Variants in PTPRD observed in about 807,000 individuals in gnomAD.
The protein encoded by PTPRD is receptor-type tyrosine-protein phosphatase delta.
A neutral mutation model predicts 214.5 loss-of-function variants in PTPRD; 34 were observed. The ratio of observed to expected loss-of-function variants is 0.16; its 90% confidence interval spans 0.12 to 0.21. The LOEUF is 0.21. PTPRD is among the 10% of genes least tolerant of loss of function. PTPRD has a pLI of 1.00. For synonymous variants in PTPRD, 1,128 were observed against 845.7 expected (o/e 1.33, Z -5.79); for missense variants, 2,545 against 2,398.7 (o/e 1.06, Z -1.27).
intron 11 of PTPRD, among the ~76,000 whole-genome samples, chr9:8,918,755 T>A (rs1266112227): frequency 4.6e-5 from 7 of 152,178 alleles, no homozygotes; most frequent in Admixed American, 6.5e-5. Flanking sequence ...TCTATTCGGA[T>A]ACTTTAAAGG....
At chr9:8,697,159 G>A (rs1388794983) in intron 12 of PTPRD, among the ~76,000 whole-genome samples, 1 of 152,042 alleles carries the variant, frequency 6.6e-6, no homozygotes, top group African/African-American at 2.4e-5. Context: ...TCAAAATTAA[G>A]TAGTTGATTG....
chr9:10,291,284 G>A (rs773262746), intron 3 of PTPRD, among the ~76,000 whole-genome samples: 5 of 151,904 alleles, frequency 3.3e-5, no homozygotes, highest in African/African-American at 4.8e-5. Flanking sequence ...CAGATGCAGA[G>A]GCAAAGTAGA....
intron 11 of PTPRD, among the ~76,000 whole-genome samples, chr9:8,786,806 C>T (rs2096001043): frequency 6.6e-6 from 1 of 151,856 alleles, no homozygotes; most frequent in African/African-American, 2.4e-5. Context: ...AAACTGATTC[C>T]CAGAGCGTGA....
At chr9:10,130,780 G>A (rs1328748289) in intron 3 of PTPRD, among the ~76,000 whole-genome samples, 2 of 152,108 alleles carry the variant, frequency 1.3e-5, no homozygotes, top group Non-Finnish European at 2.9e-5. Flanking sequence ...GAACTATAGT[G>A]TGCAGATATG....
chr9:8,665,365 T>C (rs1194831909), intron 12 of PTPRD, among the ~76,000 whole-genome samples: 1 of 152,184 alleles, frequency 6.6e-6, no homozygotes, highest in Non-Finnish European at 1.5e-5. Flanking sequence ...GATGTCCACT[T>C]GAAACTGTAT....
chr9:8,315,010 A>T lies in PTPRD; in HGVS notation c.*2864T>A. 4.3e-6 allele frequency: 1 copy of T among 232,538 alleles called. No homozygotes were observed. The highest frequency in any genetic ancestry group is 8.5e-6 in the Non-Finnish European group (1 of 117,288). The allele number at this position is 232,538 out of a possible 1,614,324, so 14.4% of individuals were successfully genotyped here. A position where few individuals can be genotyped will look rare whatever the true frequency, so the allele number is the denominator to read the frequency against. ...ATATTTTGATTTTTTTTACCATTGTAACTAATTACAAAATTATACATAACT... is the reference window on the plus strand; with the variant it reads ...ATATTTTGATTTTTTTTACCATTGTTACTAATTACAAAATTATACATAACT... On this transcript the variant is annotated 3_prime_UTR_variant, in exon 46 of 46. Coordinates refer to ENST00000381196, the MANE Select transcript of PTPRD (RefSeq NM_002839.4).
intron 9 of PTPRD, among the ~76,000 whole-genome samples, chr9:9,226,025 C>G (rs1301719241): frequency 6.6e-6 from 1 of 151,910 alleles, no homozygotes; most frequent in Non-Finnish European, 1.5e-5. Context: ...ATTCTAGGAT[C>G]CTATTGCACA....
chr9:8,771,566 G>A (rs1480936679), intron 11 of PTPRD, among the ~76,000 whole-genome samples: 1 of 152,140 alleles, frequency 6.6e-6, no homozygotes, highest in Non-Finnish European at 1.5e-5. Context: ...AATTTCCAAT[G>A]TAAATTTTCT....
intron 39 of PTPRD, among the ~76,000 whole-genome samples, chr9:8,350,657 C>G (rs1213127494): frequency 6.6e-6 from 1 of 152,076 alleles, no homozygotes; most frequent in Admixed American, 6.6e-5. Flanking sequence ...GGGTTCACTA[C>G]AAAAAACAGA....
chr9:10,504,001 A>G (rs2044875427), intron 2 of PTPRD, among the ~76,000 whole-genome samples: 1 of 150,716 alleles, frequency 6.6e-6, no homozygotes, highest in Non-Finnish European at 1.5e-5. Flanking sequence ...CTGTAGTCCC[A>G]GCTACTCCGG....
At chr9:10,288,135 G>T (rs1276109441) in intron 3 of PTPRD, among the ~76,000 whole-genome samples, 3 of 114,268 alleles carry the variant, frequency 2.6e-5, no homozygotes, top group Non-Finnish European at 5.0e-5. Context: ...TGGAAACACA[G>T]AATCAACTGC....
intron 5 of PTPRD, among the ~76,000 whole-genome samples, chr9:9,833,500 A>G (rs940312545): frequency 1.3e-5 from 2 of 151,762 alleles, no homozygotes; most frequent in African/African-American, 4.8e-5. Flanking sequence ...TTGCTAATGA[A>G]GTTTCGGGCA....
intron 8 of PTPRD, among the ~76,000 whole-genome samples, chr9:9,459,638 A>G (rs184221712): frequency 3.3e-5 from 5 of 152,238 alleles, no homozygotes; most frequent in Admixed American, 3.3e-4. Flanking sequence ...CTTTTAACCA[A>G]AAAGGTGAAA....
chr9:9,420,027 A>T (rs1452549129), intron 8 of PTPRD, among the ~76,000 whole-genome samples: 1 of 151,646 alleles, frequency 6.6e-6, no homozygotes, highest in East Asian at 1.9e-4. Context: ...GGTTACAGAA[A>T]AAATATATAT....
chr9:8,968,899 T>C (rs2099217886), intron 11 of PTPRD, among the ~76,000 whole-genome samples: 2 of 152,040 alleles, frequency 1.3e-5, no homozygotes, highest in African/African-American at 2.4e-5. Context: ...TCACTGAAGA[T>C]TGAATGGAAA....
chr9:8,919,663 G>A (rs2098811289), intron 11 of PTPRD, among the ~76,000 whole-genome samples: 1 of 151,950 alleles, frequency 6.6e-6, no homozygotes, highest in African/African-American at 2.4e-5. Context: ...ATAGTGTTTT[G>A]GAATCACTAA....
intron 39 of PTPRD, among the ~76,000 whole-genome samples, chr9:8,374,833 G>C (rs186535125): frequency 2.0e-5 from 3 of 151,920 alleles, no homozygotes; most frequent in Non-Finnish European, 4.4e-5. Flanking sequence ...GTTTAACAAT[G>C]AGCATTGTAG....
At chr9:9,019,326 AAGAAAGAAAGAACGAAAG>A (rs1392089966) in intron 10 of PTPRD, among the ~76,000 whole-genome samples, 8 of 62,626 alleles carry the variant, frequency 1.3e-4, no homozygotes, top group Admixed American at 1.3e-3. Context: ...GAAAGAAAGA[AAGAAAGAAAGAACGAAAG>A]AAAGAAAGAA....
intron 9 of PTPRD, among the ~76,000 whole-genome samples, chr9:9,390,877 G>T (rs1170002433): frequency 6.6e-6 from 1 of 152,140 alleles, no homozygotes; most frequent in Non-Finnish European, 1.5e-5. Flanking sequence ...GTTGTGAGGG[G>T]TAGTGACCTG....
Sources: gnomAD v4.1 joint callset for allele counts (sites outside exome capture counted in the v4.1 genomes callset) on GRCh38, gnomAD v4.1.1 for gene constraint, MANE v1.5 for transcripts, NCBI Gene and HGNC (gene_info 2026-07-23, HGNC 2026-07-21) for gene names.